The following SLIT3 variants were observed in gnomAD, a reference collection of about 807,000 sequenced individuals.
SLIT3 encodes slit guidance ligand 3, also known as slit homolog 3 protein.
Under a neutral mutation model 184.0 loss-of-function variants are expected in SLIT3, and 68 were observed. That is an observed-to-expected ratio of 0.37 (90% CI 0.30 to 0.45). SLIT3 has a LOEUF of 0.45. SLIT3 is among the 20% of genes least tolerant of loss of function. SLIT3 has a pLI of 1.00. For missense variants in SLIT3, 1,707 were observed against 2,026.0 expected, an observed-to-expected ratio of 0.84 and a Z score of 3.02; for synonymous variants, 831 against 828.6, an observed-to-expected ratio of 1.00 and a Z score of -0.05.
chr5:169,257,368 C>G lies in SLIT3; in HGVS notation c.198-5909G>C, dbSNP rs1388620191. 3.4e-5 allele frequency among the ~76,000 whole-genome samples: 5 copies of G among 145,960 alleles called. No individual in the cohort carries two copies. The East Asian group carries it at 6.5e-4, about 19-fold the overall frequency. On this transcript the variant is annotated intron_variant, in intron 1 of 35. Coordinates refer to ENST00000519560, the MANE Select transcript of SLIT3 (RefSeq NM_003062.4). ...CCTCCTTTGGATCCCCACAGCCCCCCACCCCAACCTCCCCGCCCCCACCCC... is the reference window on the plus strand; with the variant it reads ...CCTCCTTTGGATCCCCACAGCCCCCGACCCCAACCTCCCCGCCCCCACCCC...
intron 4 of SLIT3, among the ~76,000 whole-genome samples, chr5:169,086,565 T>C (rs146531268): frequency 0.021 from 3,240 of 152,314 alleles, 57 homozygotes; most frequent in Non-Finnish European, 0.034. Context: ...AGAGATAGTA[T>C]TTTTTTCCTT....
rs1761242846 is a variant in SLIT3, at chr5:168,671,490, G to C, written c.3842-7C>G. ...CCGGTGGAGGTGGGGATGCCTGTGGGAGGGGAGCCAGGACAGTGGCCTGAA... is the reference window on the plus strand; with the variant it reads ...CCGGTGGAGGTGGGGATGCCTGTGGCAGGGGAGCCAGGACAGTGGCCTGAA... On this transcript the variant is annotated splice_region_variant and splice_polypyrimidine_tract_variant and intron_variant, in intron 33 of 35. Coordinates refer to ENST00000519560, the MANE Select transcript of SLIT3 (RefSeq NM_003062.4). 6.2e-7 allele frequency: 1 copy of C among 1,607,988 alleles called. No individual in the cohort carries two copies. Among genetic ancestry groups the C allele is most frequent in the African/African-American group, 1.3e-5 (1 of 74,910 alleles).
intron 4 of SLIT3, among the ~76,000 whole-genome samples, chr5:169,073,634 C>G (rs931703520): frequency 1.3e-5 from 2 of 152,034 alleles, no homozygotes; most frequent in African/African-American, 4.8e-5. Flanking sequence ...TCATGAATGT[C>G]TTGGTGCTAT....
intron 4 of SLIT3, among the ~76,000 whole-genome samples, chr5:169,186,297 G>C (rs545005115): frequency 6.6e-5 from 10 of 152,258 alleles, no homozygotes; most frequent in Admixed American, 6.5e-4. Context: ...TGCTACCACA[G>C]AGGCACAACC....
intron 1 of SLIT3, among the ~76,000 whole-genome samples, chr5:169,281,298 G>A (rs930874067): frequency 2.6e-5 from 4 of 152,182 alleles, no homozygotes; most frequent in African/African-American, 9.7e-5. Flanking sequence ...CCAACATGGT[G>A]AAACCCCGTC....
At chr5:168,972,304 A>G (rs1242463573) in intron 4 of SLIT3, among the ~76,000 whole-genome samples, 4 of 136,040 alleles carry the variant, frequency 2.9e-5, no homozygotes, top group African/African-American at 1.2e-4. Context: ...GTTAGATTCA[A>G]CCTGGCTTGT....
intron 4 of SLIT3, among the ~76,000 whole-genome samples, chr5:169,140,492 A>C (rs1761688358): frequency 8.6e-6 from 1 of 116,912 alleles, no homozygotes; most frequent in African/African-American, 4.9e-5. Context: ...AAAAAAAAAA[A>C]AAAAAAAAAA....
chr5:169,081,412 C>T (rs905752810), intron 4 of SLIT3, among the ~76,000 whole-genome samples: 14 of 152,170 alleles, frequency 9.2e-5, no homozygotes, highest in African/African-American at 2.7e-4. Context: ...AATGAAGGGT[C>T]TCCGTAAACC....
rs146782142 is a variant in SLIT3, at chr5:169,262,058, C to G, written c.198-10599G>C. Among the ~76,000 whole-genome samples, 13 of 152,306 alleles carry G rather than the reference C, an allele frequency of 8.5e-5. No individual in the cohort carries two copies. The East Asian group carries it at 2.3e-3, about 27-fold the overall frequency. On this transcript the variant is annotated intron_variant, in intron 1 of 35. Transcript: ENST00000519560. ...TGAGAGCTTGGAAGCAGGTCCTTCT[C>G]CAGTTGAGCCTTGAGATGAGATCAC...
At chr5:169,006,598 C>CTG (rs753524809) in intron 4 of SLIT3, among the ~76,000 whole-genome samples, 5 of 149,610 alleles carry the variant, frequency 3.3e-5, no homozygotes, top group Non-Finnish European at 7.4e-5. Flanking sequence ...CTCTCTCTCT[C>CTG]TCTCTCTCAC....
chr5:169,034,939 G>GTGTGTGTGTT (rs1554092358), intron 4 of SLIT3, among the ~76,000 whole-genome samples: 4 of 150,874 alleles, frequency 2.7e-5, no homozygotes, highest in African/African-American at 9.8e-5. Flanking sequence ...GTGTGTGTGT[G>GTGTGTGTGTT]TGTGTGTGTG....
chr5:169,279,548 A>G (rs1469722502), intron 1 of SLIT3, among the ~76,000 whole-genome samples: 1 of 152,232 alleles, frequency 6.6e-6, no homozygotes, highest in African/African-American at 2.4e-5. Flanking sequence ...AATTACTACT[A>G]TGCCACCTTT....
At chr5:168,959,300 A>G (rs1160044942) in intron 4 of SLIT3, among the ~76,000 whole-genome samples, 2 of 152,196 alleles carry the variant, frequency 1.3e-5, no homozygotes, top group African/African-American at 2.4e-5. Context: ...TGCCTGTGCT[A>G]TAGAGAACTT....
At chr5:168,776,263 C>A (rs563148304) in intron 12 of SLIT3, among the ~76,000 whole-genome samples, 7 of 152,254 alleles carry the variant, frequency 4.6e-5, no homozygotes, top group Admixed American at 6.5e-5. Flanking sequence ...CGGTGCACCC[C>A]GCGTGCAGGC....
At chr5:168,850,849 G>A (rs1268460061) in intron 5 of SLIT3, among the ~76,000 whole-genome samples, 2 of 152,154 alleles carry the variant, frequency 1.3e-5, no homozygotes, top group African/African-American at 2.4e-5. Flanking sequence ...TGCAAACAGC[G>A]ATGATGGATT....
At chr5:168,878,983 G>A (rs1419072387) in intron 5 of SLIT3, among the ~76,000 whole-genome samples, 1 of 152,308 alleles carries the variant, frequency 6.6e-6, no homozygotes, top group East Asian at 1.9e-4. Flanking sequence ...CCAAAATGCT[G>A]GGATTACAGG....
At position 169,178,804 on chromosome 5, in the gene SLIT3, T is replaced by C. The variant is rs73315693; in HGVS notation, c.413+14675A>G. On this transcript the variant is annotated intron_variant, in intron 4 of 35. Coordinates refer to ENST00000519560, the MANE Select transcript of SLIT3 (RefSeq NM_003062.4). ...CCTCACTCACAAGACACCTCTTCTA[T>C]TTCTTTGTGACATGGATTAAAGATA... 1.0e-2 allele frequency among the ~76,000 whole-genome samples: 1,516 copies of C among 152,318 alleles called. 33 individuals are homozygous for C. The highest frequency in any genetic ancestry group is 0.034 in the African/African-American group (1,433 of 41,566).
intron 3 of SLIT3, among the ~76,000 whole-genome samples, chr5:169,196,928 T>C (rs933110368): frequency 2.6e-5 from 4 of 152,160 alleles, no homozygotes; most frequent in African/African-American, 9.7e-5. Flanking sequence ...CCACCCTCTA[T>C]TGTCACAACT....
At chr5:169,273,088 G>A (rs1395385359) in intron 1 of SLIT3, among the ~76,000 whole-genome samples, 1 of 152,086 alleles carries the variant, frequency 6.6e-6, no homozygotes, top group Non-Finnish European at 1.5e-5. Context: ...CCCTTGGGAA[G>A]GCGGCCCCTT....
Sources: allele counts gnomAD v4.1 joint callset (sites outside exome capture counted in the v4.1 genomes callset), GRCh38; gene constraint gnomAD v4.1.1; transcripts MANE v1.5; gene names NCBI Gene and HGNC (gene_info 2026-07-23, HGNC 2026-07-21).